SAMD5: variants seen among roughly 807,000 people sequenced by gnomAD.
SAMD5 encodes sterile alpha motif domain-containing protein 5.
SAMD5 carries 13 observed loss-of-function variants against 11.3 expected under a neutral mutation model. The ratio of observed to expected loss-of-function variants is 1.15; its 90% CI spans 0.75 to 1.83. The LOEUF (loss-of-function observed/expected upper bound fraction) is 1.83. Ranked by LOEUF, SAMD5 falls within the 40% of genes most tolerant of loss-of-function variation. SAMD5 has a pLI of 0.00. For synonymous variants in SAMD5, 129 were observed against 111.3 expected, an observed-to-expected ratio of 1.16 and a Z score of -1.00; for missense variants, 255 against 239.1, an observed-to-expected ratio of 1.07 and a Z score of -0.44.
chr6:147,878,061 G>A, the SAMD5 span, among the ~76,000 whole-genome samples: 1 of 151,660 alleles, frequency 6.6e-6, no homozygotes, highest in African/African-American at 2.4e-5. Context: ...ACATGCGTGA[G>A]CCACCATGGC....
intron 1 of SAMD5, among the ~76,000 whole-genome samples, chr6:147,591,983 A>G (rs1294910012): frequency 6.6e-6 from 1 of 152,034 alleles, no homozygotes; most frequent in African/African-American, 2.4e-5. Flanking sequence ...CCACGGGAGC[A>G]TTAGGAAAAA....
rs1391043311 is a variant in SAMD5 at position 147,565,935 on chromosome 6, G to A, written c.*1479G>A. The stretch of plus-strand genomic sequence containing the variant: ...TACGGAATCTACTACTTAGAAGAAT[G>A]TACAAGATGTAAGTTCCCATCGGCA... On this transcript the variant is annotated 3_prime_UTR_variant, in exon 2 of 2. Coordinates refer to ENST00000367474, the MANE Select transcript of SAMD5 (RefSeq NM_001030060.3). The A allele has an allele frequency of 2.7e-5, 27 of 985,294 alleles. No homozygotes were observed. Among genetic ancestry groups the A allele is most frequent in the Non-Finnish European group, 3.1e-5 (26 of 829,848 alleles). The allele number at this position is 985,294 out of a possible 1,614,324, so 61.0% of individuals were successfully genotyped here.
At chr6:147,718,845 C>T (rs1208273059) in intron 1 of SAMD5, among the ~76,000 whole-genome samples, 2 of 152,150 alleles carry the variant, frequency 1.3e-5, no homozygotes, top group East Asian at 3.9e-4. Context: ...CATGTGCCAC[C>T]ACCCCTGGCT....
the SAMD5 span, among the ~76,000 whole-genome samples, chr6:147,908,611 A>G: frequency 6.6e-6 from 1 of 152,218 alleles, no homozygotes; most frequent in Non-Finnish European, 1.5e-5. Flanking sequence ...GCAGGGAAAG[A>G]GAACAACTAT....
At chr6:147,740,074 TC>T (rs1390947637), downstream of SAMD5, among the ~76,000 whole-genome samples, 1 of 152,126 alleles carries the variant, frequency 6.6e-6, no homozygotes, top group Non-Finnish European at 1.5e-5. Flanking sequence ...TGTCTCAGCC[TC>T]CCAAAGTGCT....
At chr6:147,890,099 A>G in the SAMD5 span, among the ~76,000 whole-genome samples, 1 of 152,208 alleles carries the variant, frequency 6.6e-6, no homozygotes, top group African/African-American at 2.4e-5. Context: ...AAATGTTTTG[A>G]ACCAGGAAGA....
At chr6:147,907,562 C>A in the SAMD5 span, among the ~76,000 whole-genome samples, 1 of 152,178 alleles carries the variant, frequency 6.6e-6, no homozygotes. Flanking sequence ...AAGTTTAACT[C>A]ATCTTTTGGA....
At chr6:147,619,567 G>C (rs1311803415) in intron 1 of SAMD5, among the ~76,000 whole-genome samples, 2 of 152,198 alleles carry the variant, frequency 1.3e-5, no homozygotes, top group Non-Finnish European at 2.9e-5. Flanking sequence ...CTTGTTATCT[G>C]TCTCTAAATA....
At chr6:147,661,911 G>A (rs1182004155) in intron 1 of SAMD5, among the ~76,000 whole-genome samples, 1 of 152,108 alleles carries the variant, frequency 6.6e-6, no homozygotes, top group South Asian at 2.1e-4. Context: ...TTACAGGCGT[G>A]AGCCACCACG....
chr6:147,714,859 T>C (rs984429290), intron 1 of SAMD5, among the ~76,000 whole-genome samples: 1 of 152,206 alleles, frequency 6.6e-6, no homozygotes, highest in Non-Finnish European at 1.5e-5. Flanking sequence ...TTCCTCCTTA[T>C]CCATCCATTT....
At chr6:147,694,356 A>G (rs962084230) in intron 1 of SAMD5, among the ~76,000 whole-genome samples, 1 of 152,182 alleles carries the variant, frequency 6.6e-6, no homozygotes, top group Non-Finnish European at 1.5e-5. Flanking sequence ...GTGGCCCCTC[A>G]TGACTGGCAT....
chr6:147,918,190 C>T, the SAMD5 span, among the ~76,000 whole-genome samples: 60 of 152,274 alleles, frequency 3.9e-4, 3 homozygotes, highest in South Asian at 0.012. Context: ...TCTTCCTAAC[C>T]ATGAGCATGG....
chr6:147,854,407 G>A, the SAMD5 span, among the ~76,000 whole-genome samples: 2 of 152,132 alleles, frequency 1.3e-5, no homozygotes, highest in Non-Finnish European at 2.9e-5. Context: ...AAGCAAATAT[G>A]GCCTGAGCTG....
intron 1 of SAMD5, among the ~76,000 whole-genome samples, chr6:147,529,641 A>G (rs1468019357): frequency 1.3e-5 from 2 of 152,044 alleles, no homozygotes; most frequent in African/African-American, 4.8e-5. Context: ...TGCTGAATAA[A>G]CTCATCAGTA....
In SAMD5 at chr6:147,591,159, A is replaced by C. The variant is rs1015487974; in HGVS notation, c.162+81772A>C. On this transcript the variant is annotated intron_variant, in intron 1 of 1. Coordinates refer to the SAMD5 transcript ENST00000566741. ...GCATCAATTTATGGGGGAAAAAAAA[A>C]AACCCAAGATGGGGAAAAGGTCAAC... 2.0e-5 allele frequency among the ~76,000 whole-genome samples: 3 copies of C among 152,262 alleles called. No homozygotes were observed. The South Asian group carries it at 6.2e-4, about 32-fold the overall frequency.
intron 1 of SAMD5, among the ~76,000 whole-genome samples, chr6:147,587,698 T>C (rs755273317): frequency 6.6e-6 from 1 of 152,200 alleles, no homozygotes; most frequent in South Asian, 2.1e-4. Context: ...CTGGTGAATT[T>C]ACTATAGAGT....
intron 1 of SAMD5, among the ~76,000 whole-genome samples, chr6:147,706,083 A>G (rs1479335991): frequency 1.3e-5 from 2 of 152,002 alleles, no homozygotes; most frequent in Non-Finnish European, 2.9e-5. Flanking sequence ...ATTTAAGTGG[A>G]TTAAAATGTC....
At chr6:147,543,211 A>C (rs922263052) in intron 1 of SAMD5, among the ~76,000 whole-genome samples, 5 of 152,142 alleles carry the variant, frequency 3.3e-5, no homozygotes, top group African/African-American at 9.7e-5. Context: ...CTAACTGCAA[A>C]ATTCTTTTTC....
the SAMD5 span, among the ~76,000 whole-genome samples, chr6:147,858,991 A>G: frequency 1.3e-5 from 2 of 152,218 alleles, no homozygotes; most frequent in Non-Finnish European, 2.9e-5. Context: ...TTAAGAAGGA[A>G]AAACAAAAGC....
Sources: allele counts gnomAD v4.1 joint callset (sites outside exome capture counted in the v4.1 genomes callset), GRCh38; gene constraint gnomAD v4.1.1; transcripts MANE v1.5; gene names NCBI Gene and HGNC (gene_info 2026-07-23, HGNC 2026-07-21).